Variants in LRFN5 observed in about 807,000 individuals in gnomAD.
The protein encoded by LRFN5 is leucine-rich repeat and fibronectin type-III domain-containing protein 5.
LRFN5 carries 24 observed loss-of-function variants against 45.6 expected under a neutral mutation model. The observed-to-expected ratio is 0.53, with a 90% CI of 0.38 to 0.74. The LOEUF is 0.74. Ranked by LOEUF, LRFN5 falls within the 30% of genes least tolerant of loss-of-function variation. The pLI is 0.00. For synonymous variants in LRFN5, 340 were observed against 313.8 expected (o/e 1.08, Z -0.88); for missense variants, 776 against 861.5 (o/e 0.90, Z 1.24).
intron 1 of LRFN5, among the ~76,000 whole-genome samples, chr14:41,613,661 A>G (rs1887837278): frequency 6.6e-6 from 1 of 152,070 alleles, no homozygotes; most frequent in Non-Finnish European, 1.5e-5. Flanking sequence ...AAAAGAAGTA[A>G]TACAATAAAT....
intron 2 of LRFN5, among the ~76,000 whole-genome samples, chr14:41,844,133 A>C (rs1183969107): frequency 6.6e-6 from 1 of 152,182 alleles, no homozygotes; most frequent in African/African-American, 2.4e-5. Flanking sequence ...GAAATGAATG[A>C]ATATTTTAAA....
At chr14:41,736,298 C>T (rs1322421981) in intron 1 of LRFN5, among the ~76,000 whole-genome samples, 1 of 152,170 alleles carries the variant, frequency 6.6e-6, no homozygotes, top group Non-Finnish European at 1.5e-5. Context: ...GATCACCATT[C>T]TAACTGGCAT....
chr14:41,867,100 C>A (rs1236488887), intron 2 of LRFN5, among the ~76,000 whole-genome samples: 2 of 151,994 alleles, frequency 1.3e-5, no homozygotes, highest in Non-Finnish European at 2.9e-5. Context: ...TAAGACCAGC[C>A]TCCTTAAATC....
chr14:41,638,545 G>T (rs2138592700), intron 1 of LRFN5, among the ~76,000 whole-genome samples: 1 of 152,128 alleles, frequency 6.6e-6, no homozygotes, highest in South Asian at 2.1e-4. Flanking sequence ...TGCTAAATGG[G>T]AAAAAGACGT....
intron 1 of LRFN5, among the ~76,000 whole-genome samples, chr14:41,645,321 G>A (rs191740670): frequency 2.0e-5 from 3 of 152,158 alleles, no homozygotes; most frequent in Non-Finnish European, 2.9e-5. Flanking sequence ...TGCAACCTCC[G>A]CCTCCCAGGT....
intron 2 of LRFN5, among the ~76,000 whole-genome samples, chr14:41,856,672 A>ATTTTTTTT (rs1889465921): frequency 3.3e-4 from 2 of 5,980 alleles, no homozygotes; most frequent in Non-Finnish European, 6.2e-4. Flanking sequence ...TATTATTATT[A>ATTTTTTTT]TTATTTTTTT....
chr14:41,882,846 C>CTTTTTTTTTTTTTTTTTTTTT (rs71105409), intron 2 of LRFN5, among the ~76,000 whole-genome samples: 1 of 107,286 alleles, frequency 9.3e-6, no homozygotes, highest in Non-Finnish European at 1.8e-5. Context: ...TGTATTTCCT[C>CTTTTTTTTTTTTTTTTTTTTT]TTTTTTTTTT....
At chr14:41,869,724 C>T (rs1193434088) in intron 2 of LRFN5, among the ~76,000 whole-genome samples, 3 of 152,080 alleles carry the variant, frequency 2.0e-5, no homozygotes, top group East Asian at 1.9e-4. Context: ...CAAGAGAGAG[C>T]TTGTGCAGGG....
chr14:41,733,018 G>T (rs540811473), intron 1 of LRFN5, among the ~76,000 whole-genome samples: 14 of 150,768 alleles, frequency 9.3e-5, no homozygotes, highest in Non-Finnish European at 1.9e-4. Flanking sequence ...TGAAGATAGA[G>T]CATTAAAAAT....
chr14:41,673,257 G>C (rs1407268207), intron 1 of LRFN5, among the ~76,000 whole-genome samples: 1 of 151,846 alleles, frequency 6.6e-6, no homozygotes, highest in Non-Finnish European at 1.5e-5. Flanking sequence ...GGTGGTGGCC[G>C]GGCAGAGGGG....
chr14:41,659,877 C>T (rs796979372), intron 1 of LRFN5, among the ~76,000 whole-genome samples: 16 of 147,992 alleles, frequency 1.1e-4, no homozygotes, highest in African/African-American at 3.9e-4. Context: ...TCATGTCCTT[C>T]ACCCACTTTT....
At chr14:41,722,258 C>G (rs1193171252) in intron 1 of LRFN5, among the ~76,000 whole-genome samples, 1 of 151,976 alleles carries the variant, frequency 6.6e-6, no homozygotes, top group African/African-American at 2.4e-5. Context: ...TCCTTCATTT[C>G]CTGGATTGAT....
At chr14:41,641,989 G>C (rs958192205) in intron 1 of LRFN5, among the ~76,000 whole-genome samples, 5 of 152,152 alleles carry the variant, frequency 3.3e-5, no homozygotes, top group Admixed American at 3.3e-4. Context: ...CCTAAACCAT[G>C]TTCTATTTCT....
intron 2 of LRFN5, among the ~76,000 whole-genome samples, chr14:41,865,757 C>T (rs1428133147): frequency 6.6e-6 from 1 of 152,126 alleles, no homozygotes. Context: ...TGGCTATAAC[C>T]ATTCTAATGT....
At chr14:41,734,641 G>A (rs1008194953) in intron 1 of LRFN5, among the ~76,000 whole-genome samples, 1 of 150,670 alleles carries the variant, frequency 6.6e-6, no homozygotes, top group African/African-American at 2.4e-5. Flanking sequence ...TTTCAATTGT[G>A]AAATTAAATT....
chr14:41,670,296 TATATATATAC>T (rs1434074015), intron 1 of LRFN5, among the ~76,000 whole-genome samples: 3,767 of 52,576 alleles, frequency 0.072, 315 homozygotes, highest in East Asian at 0.3. Flanking sequence ...TATATATATA[TATATATATAC>T]ACACACACAG....
At chr14:41,757,193 A>G (rs1346771323) in intron 1 of LRFN5, among the ~76,000 whole-genome samples, 1 of 152,054 alleles carries the variant, frequency 6.6e-6, no homozygotes, top group Non-Finnish European at 1.5e-5. Context: ...CAGTTAGGCT[A>G]CTCGGGGGTC....
rs115638000 is a variant in LRFN5 at position 41,838,617 on chromosome 14, G to A, written c.-20-47989G>A. On this transcript the variant is annotated intron_variant, in intron 2 of 5. Coordinates refer to ENST00000298119, the MANE Select transcript of LRFN5 (RefSeq NM_152447.5). ...TGAGGTTTTGAAAGAAACTCAGATG[G>A]GGGTGCAGGGAGTAAAGAAATAAAG... Among the ~76,000 whole-genome samples, 967 of 152,166 alleles carry A rather than the reference G, an allele frequency of 6.4e-3. 6 individuals are homozygous for A. The highest frequency in any genetic ancestry group is 0.022 in the African/African-American group (930 of 41,520).
In LRFN5 at chr14:41,863,827, TCC is replaced by T. The variant is rs763026400; in HGVS notation, c.-20-22776_-20-22775del. Reference sequence around the variant, plus strand: ...TAGGTATTTCTCCTAATGCCATCCCTCCCCTAGCCCCCAACCCCCAACAGGCC... The same window carrying T: ...TAGGTATTTCTCCTAATGCCATCCCTCCTAGCCCCCAACCCCCAACAGGCC... On this transcript the variant is annotated intron_variant, in intron 2 of 5. Coordinates refer to ENST00000298119, the MANE Select transcript of LRFN5 (RefSeq NM_152447.5). Among the ~76,000 whole-genome samples the T allele has an allele frequency of 1.5e-3, 229 of 151,436 alleles. 1 individual carries two copies. The highest frequency in any genetic ancestry group is 2.7e-3 in the Non-Finnish European group (180 of 67,848).
Sources: gnomAD v4.1 joint callset for allele counts (sites outside exome capture counted in the v4.1 genomes callset) on GRCh38, gnomAD v4.1.1 for gene constraint, MANE v1.5 for transcripts, NCBI Gene and HGNC (gene_info 2026-07-23, HGNC 2026-07-21) for gene names.